The following SPMIP3 variants were observed in gnomAD, a reference collection of about 807,000 sequenced individuals.
SPMIP3 encodes the protein protein SPMIP3.
chr1:244,354,061 C>T, the SPMIP3 span, among the ~76,000 whole-genome samples: 1 of 152,172 alleles, frequency 6.6e-6, no homozygotes, highest in South Asian at 2.1e-4. Flanking sequence ...GGAAATGGGG[C>T]ATTATAAAAT....
the SPMIP3 span, chr1:244,378,393 G>A: frequency 6.3e-6 from 9 of 1,438,200 alleles, no homozygotes; most frequent in Admixed American, 1.2e-4. Flanking sequence ...TCCAGGGAAT[G>A]GATTCCAGCT....
chr1:244,371,228 C>T, the SPMIP3 span, among the ~76,000 whole-genome samples: 1 of 152,228 alleles, frequency 6.6e-6, no homozygotes, highest in East Asian at 1.9e-4. Context: ...ACGGTGCCTG[C>T]ACCTGCCCAG....
chr1:244,363,049 A>C, the SPMIP3 span, among the ~76,000 whole-genome samples: 1 of 145,834 alleles, frequency 6.9e-6, no homozygotes, highest in Non-Finnish European at 1.5e-5. Context: ...TTGGGGTCTC[A>C]CCACTTTATG....
the SPMIP3 span, among the ~76,000 whole-genome samples, chr1:244,369,489 G>A: frequency 2.0e-5 from 3 of 152,150 alleles, no homozygotes; most frequent in South Asian, 4.1e-4. Context: ...ATTGCCACAC[G>A]CCAAAGAAAT....
At chr1:244,371,722 A>G in the SPMIP3 span, among the ~76,000 whole-genome samples, 64,172 of 152,058 alleles carry the variant, frequency 0.42, 14,392 homozygotes, top group East Asian at 0.81. Flanking sequence ...AGAAACCAGC[A>G]TCCTTTAGGT....
At chr1:244,371,650 GTGTT>G in the SPMIP3 span, among the ~76,000 whole-genome samples, 11 of 152,162 alleles carry the variant, frequency 7.2e-5, no homozygotes, top group Admixed American at 2.6e-4. Flanking sequence ...TATTCAGCAG[GTGTT>G]TGTTTGTATG....
the SPMIP3 span, among the ~76,000 whole-genome samples, chr1:244,367,274 A>G: frequency 6.6e-6 from 1 of 152,110 alleles, no homozygotes; most frequent in East Asian, 1.9e-4. Flanking sequence ...CAATGGGTTG[A>G]AGGGTTTTAT....
At chr1:244,376,665 T>C in the SPMIP3 span, among the ~76,000 whole-genome samples, 1 of 152,346 alleles carries the variant, frequency 6.6e-6, no homozygotes, top group East Asian at 1.9e-4. Flanking sequence ...TGCATTGAGA[T>C]AATTCACATA....
the SPMIP3 span, among the ~76,000 whole-genome samples, chr1:244,369,523 T>C: frequency 6.6e-6 from 1 of 151,232 alleles, no homozygotes; most frequent in Non-Finnish European, 1.5e-5. Context: ...ACACAAGGAG[T>C]GAGGTTAAGA....
the SPMIP3 span, among the ~76,000 whole-genome samples, chr1:244,377,496 TAC>T: frequency 6.6e-6 from 1 of 152,240 alleles, no homozygotes; most frequent in African/African-American, 2.4e-5. Flanking sequence ...CCTATTTTTT[TAC>T]ATGCAAGTTG....
At chr1:244,357,114 G>T in the SPMIP3 span, among the ~76,000 whole-genome samples, 1 of 151,610 alleles carries the variant, frequency 6.6e-6, no homozygotes, top group Non-Finnish European at 1.5e-5. Flanking sequence ...TAAAGATGGG[G>T]TTTTGCCATG....
chr1:244,361,508 C>T, the SPMIP3 span, among the ~76,000 whole-genome samples: 5 of 152,020 alleles, frequency 3.3e-5, no homozygotes, highest in East Asian at 3.9e-4. Context: ...GGATTACAGG[C>T]GTGAGCCACC....
the SPMIP3 span, among the ~76,000 whole-genome samples, chr1:244,367,095 C>G: frequency 2.0e-3 from 306 of 151,922 alleles, 3 homozygotes; most frequent in Non-Finnish European, 3.4e-3. Context: ...AGGGTGCGGT[C>G]TAGGGAGGAG....
the SPMIP3 span, among the ~76,000 whole-genome samples, chr1:244,373,066 C>G: frequency 6.6e-6 from 1 of 152,038 alleles, no homozygotes; most frequent in South Asian, 2.1e-4. Flanking sequence ...AGTCTTTCTG[C>G]TTTTAGTCAC....
chr1:244,378,379 C>G, the SPMIP3 span: 3 of 1,356,344 alleles, frequency 2.2e-6, no homozygotes, highest in Admixed American at 6.1e-5. Context: ...GCCTCACGGC[C>G]GTTTCCAGGG....
At chr1:244,379,622 T>C in the SPMIP3 span, among the ~76,000 whole-genome samples, 29 of 152,206 alleles carry the variant, frequency 1.9e-4, no homozygotes, top group African/African-American at 7.0e-4. Context: ...ATTTGACATT[T>C]GGAGGCATGT....
chr1:244,359,653 G>A, the SPMIP3 span, among the ~76,000 whole-genome samples: 1 of 151,756 alleles, frequency 6.6e-6, no homozygotes, highest in Non-Finnish European at 1.5e-5. Context: ...AACACAGGAG[G>A]CGGAGGCTAC....
At chr1:244,354,348 AC>A in the SPMIP3 span, among the ~76,000 whole-genome samples, 81 of 134,426 alleles carry the variant, frequency 6.0e-4, no homozygotes, top group Admixed American at 7.5e-3. Flanking sequence ...GAGTACCCAA[AC>A]TTTGATTTTT....
At chr1:244,356,918 C>CTTTTTT in the SPMIP3 span, among the ~76,000 whole-genome samples, 8 of 103,768 alleles carry the variant, frequency 7.7e-5, no homozygotes, top group African/African-American at 2.3e-4. Flanking sequence ...TTTTCTTTTC[C>CTTTTTT]TTTTTTTTTT....
Sources: gnomAD v4.1 joint callset for allele counts (sites outside exome capture counted in the v4.1 genomes callset) on GRCh38, gnomAD v4.1.1 for gene constraint, MANE v1.5 for transcripts, NCBI Gene and HGNC (gene_info 2026-07-23, HGNC 2026-07-21) for gene names.